The following OTOGL variants were observed in gnomAD, a reference collection of about 807,000 sequenced individuals.
OTOGL encodes the protein otogelin like.
In OTOGL, 285 loss-of-function variants were observed where a neutral mutation model predicts 318.5. The ratio of observed to expected loss-of-function variants is 0.89; its 90% confidence interval spans 0.81 to 0.99. The LOEUF (loss-of-function observed/expected upper bound fraction) is 0.99, where lower values mean the gene tolerates loss of function less well. Ranked by LOEUF, OTOGL falls within the 50% of genes least tolerant of loss-of-function variation. The pLI, the probability that OTOGL is intolerant of heterozygous loss-of-function variation, is 0.00. For synonymous variants in OTOGL, 987 were observed against 936.5 expected, an observed-to-expected ratio of 1.05 and a Z score of -0.99; for missense variants, 2,899 against 2,845.6, an observed-to-expected ratio of 1.02 and a Z score of -0.43.
At position 80,219,928 on chromosome 12, in the gene OTOGL, G is replaced by A. The variant is rs775109592; in HGVS notation, c.334+16G>A. ...TGCCAGATCAGTAAGTTTCAGGGAT[G>A]CTTGTGAGATAATTATGAGATACCA... is the stretch of plus-strand genomic sequence containing the variant. On this transcript the variant is annotated intron_variant, in intron 6 of 58. Transcript: ENST00000547103. 9.3e-6 allele frequency: 14 copies of A among 1,504,476 alleles called. No individual in the cohort carries two copies. Among genetic ancestry groups the A allele is most frequent in the Non-Finnish European group, 1.3e-5 (14 of 1,099,814 alleles). 93.2% of individuals were successfully genotyped at this position (1,504,476 alleles called of 1,614,324 possible). A position where few individuals can be genotyped will look rare whatever the true frequency, so the allele number is the denominator to read the frequency against.
intron 19 of OTOGL, among the ~76,000 whole-genome samples, 154 bp from the exon 20 acceptor site, chr12:80,264,847 A>C (rs761377823): frequency 1.3e-5 from 2 of 152,142 alleles, no homozygotes; most frequent in Non-Finnish European, 2.9e-5. Context: ...CCAATATTAT[A>C]TAAAAAAAAC....
chr12:80,254,671 G>A, intron 15 of OTOGL, 101 bp downstream of exon 15: 1 of 923,924 alleles, frequency 1.1e-6, no homozygotes, highest in Non-Finnish European at 1.6e-6. Flanking sequence ...ATATACCAAG[G>A]GCTACAATAA....
At chr12:80,282,344 T>C (rs1315674941) in intron 26 of OTOGL, among the ~76,000 whole-genome samples, 1 of 151,898 alleles carries the variant, frequency 6.6e-6, no homozygotes, top group Non-Finnish European at 1.5e-5. Context: ...ACATAAAAAA[T>C]GAATAGTAAA....
chr12:80,118,204 T>C (rs1870279233), intron 1 of OTOGL, among the ~76,000 whole-genome samples: 1 of 152,206 alleles, frequency 6.6e-6, no homozygotes, highest in African/African-American at 2.4e-5. Context: ...TGGCAGCCTC[T>C]GATGAGGGAA....
At position 80,180,419 on chromosome 12, in the gene OTOGL, T is replaced by C. The variant is rs1874839771; in HGVS notation, c.-19-28994T>C. ...AGCAATTTTTAATATCAAAAGCCCATGGGCAACTTTTGGCCATCATGTCAT... is the reference window on the plus strand; with the variant it reads ...AGCAATTTTTAATATCAAAAGCCCACGGGCAACTTTTGGCCATCATGTCAT... On this transcript the variant is annotated intron_variant, in intron 1 of 58. Coordinates refer to ENST00000547103, the MANE Select transcript of OTOGL (RefSeq NM_001378609.3). Among the ~76,000 whole-genome samples, 3 of 152,298 alleles carry C rather than the reference T, an allele frequency of 2.0e-5. No homozygotes were observed. The South Asian group carries it at 6.2e-4, about 32-fold the overall frequency.
In OTOGL at chr12:80,368,304, T is replaced by A; in HGVS notation, c.6610T>A (p.Tyr2204Asn). 6.3e-7 allele frequency: 1 copy of A among 1,579,704 alleles called. No homozygotes were observed. The highest frequency in any genetic ancestry group is 8.6e-7 in the Non-Finnish European group (1 of 1,157,602). The change falls in exon 55 of 59, where the codon TAC becomes AAC. Residue 2204 changes from tyrosine (Y) to asparagine (N), a missense_variant. Physicochemically the swap from Tyr to Asn is moderately radical, Grantham distance 143. Transcript: ENST00000547103. ...FHMENGTSVVYAVGSTWHYNC... is the reference protein window; with the variant it reads ...FHMENGTSVVNAVGSTWHYNC... The stretch of plus-strand genomic sequence containing the variant: ...CATGGAAAATGGAACATCAGTTGTA[T>A]ACGCGGTATGTTTCATGGAGAGTAA...
At chr12:80,269,158 T>C (rs964480432) in intron 22 of OTOGL, among the ~76,000 whole-genome samples, 9 of 152,124 alleles carry the variant, frequency 5.9e-5, no homozygotes, top group African/African-American at 2.2e-4. Flanking sequence ...CAACTATGCA[T>C]TGCATATTTT....
At chr12:80,299,093 C>T (rs1272385352) in intron 27 of OTOGL, among the ~76,000 whole-genome samples, 2 of 152,114 alleles carry the variant, frequency 1.3e-5, no homozygotes, top group African/African-American at 4.8e-5. Flanking sequence ...ACAAAATTGA[C>T]ATTTTCAATG....
chr12:80,368,721 C>A (rs374962782), intron 55 of OTOGL, among the ~76,000 whole-genome samples: 1 of 151,872 alleles, frequency 6.6e-6, no homozygotes, highest in South Asian at 2.1e-4. Flanking sequence ...CCTTAAGCCA[C>A]ACATAAAATT....
chr12:80,330,893 G>T (rs1888025967), intron 37 of OTOGL, among the ~76,000 whole-genome samples: 1 of 152,116 alleles, frequency 6.6e-6, no homozygotes, highest in African/African-American at 2.4e-5. Flanking sequence ...TATCAAAAAA[G>T]AATAAAATGC....
intron 1 of OTOGL, among the ~76,000 whole-genome samples, chr12:80,143,777 T>C (rs997327232): frequency 1.3e-5 from 2 of 152,196 alleles, no homozygotes; most frequent in African/African-American, 4.8e-5. Flanking sequence ...TAACAGAACA[T>C]GGACAGTAAA....
chr12:80,125,115 T>C (rs1396456585), intron 1 of OTOGL, among the ~76,000 whole-genome samples: 7 of 152,188 alleles, frequency 4.6e-5, no homozygotes, highest in East Asian at 1.9e-4. Context: ...TGTCTTGTGC[T>C]GGTTTTCAAA....
intron 1 of OTOGL, among the ~76,000 whole-genome samples, chr12:80,162,091 A>G (rs974758626): frequency 4.6e-5 from 7 of 152,188 alleles, no homozygotes; most frequent in African/African-American, 1.7e-4. Context: ...AGTTATGAAA[A>G]GAAATTCTAA....
intron 1 of OTOGL, among the ~76,000 whole-genome samples, chr12:80,119,531 A>G (rs1426543949): frequency 6.6e-6 from 1 of 152,218 alleles, no homozygotes; most frequent in Non-Finnish European, 1.5e-5. Flanking sequence ...GCAGGGTGCA[A>G]TAATGTGAAC....
intron 1 of OTOGL, among the ~76,000 whole-genome samples, chr12:80,185,446 G>A (rs980844515): frequency 5.3e-5 from 8 of 151,980 alleles, no homozygotes; most frequent in Admixed American, 2.0e-4. Context: ...GCACTGCCAC[G>A]CCTGGCTAAT....
intron 16 of OTOGL, among the ~76,000 whole-genome samples, chr12:80,255,508 T>C (rs1881956430): frequency 6.6e-6 from 1 of 152,004 alleles, no homozygotes; most frequent in South Asian, 2.1e-4. Flanking sequence ...GTACATATAG[T>C]TTTGTACGTA....
chr12:80,238,968 C>T lies in OTOGL; in HGVS notation c.935C>T (p.Pro312Leu). The change falls in exon 10 of 59, where the codon CCA becomes CTA. Residue 312 changes from proline (P) to leucine (L), a missense_variant. Coordinates refer to ENST00000547103, the MANE Select transcript of OTOGL (RefSeq NM_001378609.3). ...DFPNPCSSGM[P>L]AFEAIFFKCQ... ...CCAAATCCGTGCTCCAGTGGAATGCCAGCATTTGAGGTAAATTTGATGTGA... is the reference window on the plus strand; with the variant it reads ...CCAAATCCGTGCTCCAGTGGAATGCTAGCATTTGAGGTAAATTTGATGTGA... 1.3e-6 allele frequency: 2 copies of T among 1,596,430 alleles called. No individual in the cohort carries two copies. Among genetic ancestry groups the T allele is most frequent in the Non-Finnish European group, 1.7e-6 (2 of 1,178,688 alleles).
intron 1 of OTOGL, among the ~76,000 whole-genome samples, chr12:80,175,162 AT>A (rs1874450404): frequency 6.6e-6 from 1 of 152,132 alleles, no homozygotes; most frequent in Non-Finnish European, 1.5e-5. Context: ...CTTAATGGAA[AT>A]AAAAACAAGG....
rs1312737009 is a variant in OTOGL at position 80,368,256 on chromosome 12, A to C, written c.6562A>C (p.Lys2188Gln). 1.2e-6 allele frequency: 2 copies of C among 1,604,090 alleles called. No individual in the cohort carries two copies. Among genetic ancestry groups the C allele is most frequent in the Non-Finnish European group, 1.7e-6 (2 of 1,174,496 alleles). The change falls in exon 55 of 59, where the codon AAA (lysine) becomes CAA (glutamine). Residue 2188 changes from lysine (K) to glutamine (Q), a missense_variant. Physicochemically the swap from Lys to Gln is moderately conservative, Grantham distance 53. Around this residue, in one of 3 missense-constraint regions of OTOGL, gnomAD observed 289 missense variants for 304.6 expected, o/e 0.95. Coordinates refer to ENST00000547103, the MANE Select transcript of OTOGL (RefSeq NM_001378609.3). The part of the protein sequence containing the change: ...PSDYGCCGTC[K>Q]NVSCKFHMEN... ...TGATTATGGTTGTTGTGGTACCTGCAAAAATGTATCCTGCAAATTTCACAT... is the reference window on the plus strand; with the variant it reads ...TGATTATGGTTGTTGTGGTACCTGCCAAAATGTATCCTGCAAATTTCACAT...
Sources: gnomAD v4.1 joint callset for allele counts (sites outside exome capture counted in the v4.1 genomes callset) on GRCh38, gnomAD v4.1.1 for gene constraint, gnomAD v4.1.1 regional missense constraint, MANE v1.5 for transcripts, NCBI Gene and HGNC (gene_info 2026-07-23, HGNC 2026-07-21) for gene names.